The following UBE2V2 variants were observed in gnomAD, a reference collection of about 807,000 sequenced individuals.
UBE2V2 encodes ubiquitin conjugating enzyme E2 V2, also known as ubiquitin-conjugating enzyme E2 variant 2.
A neutral mutation model predicts 17.2 loss-of-function variants in UBE2V2; 9 were observed. The ratio of observed to expected loss-of-function variants is 0.52; its 90% CI spans 0.32 to 0.91. The LOEUF (loss-of-function observed/expected upper bound fraction) is 0.91. Ranked by LOEUF, UBE2V2 falls within the 40% of genes least tolerant of loss-of-function variation. The probability of loss-of-function intolerance (pLI) is 0.04; values close to 1 mark genes in which losing one functional copy is unlikely to be tolerated. For synonymous variants in UBE2V2, 61 were observed against 57.5 expected, an observed-to-expected ratio of 1.06 and a Z score of -0.28; for missense variants, 133 against 182.6, an observed-to-expected ratio of 0.73 and a Z score of 1.56.
chr8:48,008,385 C>T (rs772133408), upstream of UBE2V2: 452 of 1,541,154 alleles, frequency 2.9e-4, 1 homozygote, highest in Middle Eastern at 9.1e-4. Flanking sequence ...TGCAGGGCGG[C>T]GCGCTCCCGG....
chr8:47,998,346 A>T, the UBE2V2 span, among the ~76,000 whole-genome samples: 2 of 151,988 alleles, frequency 1.3e-5, no homozygotes, highest in African/African-American at 2.4e-5. Context: ...ACTGCCGGTG[A>T]CAAGGACGTG....
At chr8:48,001,229 A>G in the UBE2V2 span, among the ~76,000 whole-genome samples, 1 of 152,138 alleles carries the variant, frequency 6.6e-6, no homozygotes, top group African/African-American at 2.4e-5. Context: ...CCTGCTTGTC[A>G]TTCCTTTCCT....
At chr8:48,007,561 G>GA (rs2091192178), upstream of UBE2V2, among the ~76,000 whole-genome samples, 1 of 135,080 alleles carries the variant, frequency 7.4e-6, no homozygotes, top group South Asian at 2.4e-4. Flanking sequence ...CAAGGGATGT[G>GA]AAAAATCTTT....
chr8:48,007,102 A>C (rs930242905), upstream of UBE2V2, among the ~76,000 whole-genome samples: 2 of 150,860 alleles, frequency 1.3e-5, no homozygotes, highest in African/African-American at 4.9e-5. Flanking sequence ...GTTAGCCAAG[A>C]TGGTCTTGAT....
At chr8:48,009,168 G>T (rs1246370177) in intron 1 of UBE2V2, among the ~76,000 whole-genome samples, 1 of 151,964 alleles carries the variant, frequency 6.6e-6, no homozygotes, top group Non-Finnish European at 1.5e-5. Flanking sequence ...TAACGTTGAG[G>T]TTTTAGACAT....
At chr8:48,033,409 C>T (rs1378314324) in intron 1 of UBE2V2, among the ~76,000 whole-genome samples, 1 of 152,018 alleles carries the variant, frequency 6.6e-6, no homozygotes, top group Non-Finnish European at 1.5e-5. Context: ...TGGTCTCGAA[C>T]TCCTGGACTC....
chr8:48,059,886 A>G (rs779829065), intron 3 of UBE2V2, among the ~76,000 whole-genome samples: 5 of 152,110 alleles, frequency 3.3e-5, no homozygotes, highest in Non-Finnish European at 7.4e-5. Flanking sequence ...AAGGAGCTCC[A>G]TCCCCATTCT....
At chr8:48,002,978 G>A in the UBE2V2 span, among the ~76,000 whole-genome samples, 2 of 152,110 alleles carry the variant, frequency 1.3e-5, no homozygotes, top group African/African-American at 2.4e-5. Context: ...TTGGGAGGCC[G>A]AAGAAGGCGA....
At chr8:48,005,401 C>G (rs1280781252), upstream of UBE2V2, among the ~76,000 whole-genome samples, 1 of 152,150 alleles carries the variant, frequency 6.6e-6, no homozygotes, top group Non-Finnish European at 1.5e-5. Flanking sequence ...GCCACATTTT[C>G]TTTATGCAGT....
intron 3 of UBE2V2, among the ~76,000 whole-genome samples, chr8:48,053,626 A>AT (rs1266673204): frequency 1.3e-5 from 2 of 151,724 alleles, no homozygotes; most frequent in Non-Finnish European, 2.9e-5. Context: ...GGGTTTCACC[A>AT]TGTTGGTTAG....
chr8:48,023,220 C>CTT (rs879721299), intron 1 of UBE2V2, among the ~76,000 whole-genome samples: 1 of 143,096 alleles, frequency 7.0e-6, no homozygotes, highest in Non-Finnish European at 1.5e-5. Context: ...TTTAGATATA[C>CTT]TTTTTTTTTT....
rs774805345 is a variant in UBE2V2 at position 48,060,817 on chromosome 8, TACA to T, written c.432_434del (p.Asn145del). 6 of 1,516,326 alleles carry T rather than the reference TACA, an allele frequency of 4.0e-6. No individual in the cohort carries two copies. The highest frequency in any genetic ancestry group is 2.2e-5 in the Admixed American group (1 of 46,140). 93.9% of individuals were successfully genotyped at this position (1,516,326 alleles called of 1,614,324 possible). On this transcript the variant is annotated inframe_deletion, in exon 4 of 4. Coordinates refer to ENST00000523111, the MANE Select transcript of UBE2V2 (RefSeq NM_003350.3). ...TCCACAGCCACCAGAAGGACAAACATACAACAATTAATTTTAGTGGATCTCAAA... is the reference window on the plus strand; with the variant it reads ...TCCACAGCCACCAGAAGGACAAACATACAATTAATTTTAGTGGATCTCAAA...
intron 1 of UBE2V2, among the ~76,000 whole-genome samples, chr8:48,010,528 A>G (rs2091221329): frequency 6.7e-6 from 1 of 150,112 alleles, no homozygotes; most frequent in Non-Finnish European, 1.5e-5. Context: ...CAGTCTCCTG[A>G]GTAGCTGGGA....
At chr8:48,056,945 G>A (rs1554659039) in intron 3 of UBE2V2, among the ~76,000 whole-genome samples, 1 of 151,706 alleles carries the variant, frequency 6.6e-6, no homozygotes, top group Non-Finnish European at 1.5e-5. Context: ...GGCTGGTCTT[G>A]AACTCCCAGC....
chr8:48,037,902 CAAAGTGAAGTTTATGCT>C, intron 1 of UBE2V2, among the ~76,000 whole-genome samples: 1 of 152,148 alleles, frequency 6.6e-6, no homozygotes, highest in Admixed American at 6.6e-5. Context: ...CACGTTGCAG[CAAAGTGAAGTTTATGCT>C]TAAAACCCCT....
chr8:48,036,650 T>C (rs1410546551), intron 1 of UBE2V2, among the ~76,000 whole-genome samples: 2 of 151,390 alleles, frequency 1.3e-5, no homozygotes, highest in African/African-American at 2.4e-5. Flanking sequence ...TTGTCCAGGC[T>C]GGTCTTAAAC....
chr8:48,017,313 T>G (rs962501096), intron 1 of UBE2V2, among the ~76,000 whole-genome samples: 5 of 152,190 alleles, frequency 3.3e-5, no homozygotes, highest in African/African-American at 1.2e-4. Flanking sequence ...TATATTTTGG[T>G]TATTAACCCC....
chr8:48,031,357 C>T (rs944119223), intron 1 of UBE2V2, among the ~76,000 whole-genome samples: 4 of 152,118 alleles, frequency 2.6e-5, no homozygotes, highest in Admixed American at 6.6e-5. Flanking sequence ...CATATATATT[C>T]ATTAAATCTA....
upstream of UBE2V2, among the ~76,000 whole-genome samples, chr8:48,007,233 CAA>C (rs2091190309): frequency 1.3e-5 from 2 of 152,030 alleles, no homozygotes; most frequent in Non-Finnish European, 2.9e-5. Flanking sequence ...CACTCCTATT[CAA>C]CATAGTATTG....
Sources: allele counts gnomAD v4.1 joint callset (sites outside exome capture counted in the v4.1 genomes callset), GRCh38; gene constraint gnomAD v4.1.1; transcripts MANE v1.5; gene names NCBI Gene and HGNC (gene_info 2026-07-23, HGNC 2026-07-21).